The following THSD4 variants were observed in gnomAD, a reference collection of about 807,000 sequenced individuals.
The protein encoded by THSD4 is thrombospondin type-1 domain-containing protein 4.
A neutral mutation model predicts 119.0 loss-of-function variants in THSD4; 69 were observed. That is an observed-to-expected ratio of 0.58 (90% CI 0.48 to 0.71). The LOEUF is 0.71. THSD4 is among the 30% of genes least tolerant of loss of function. THSD4 has a pLI of 0.00. For missense variants in THSD4, 1,393 were observed against 1,391.1 expected (o/e 1.00, Z -0.02); for synonymous variants, 524 against 540.4 (o/e 0.97, Z 0.42).
chr15:71,406,230 A>G (rs1233430125), intron 6 of THSD4, among the ~76,000 whole-genome samples: 2 of 151,766 alleles, frequency 1.3e-5, no homozygotes, highest in African/African-American at 4.8e-5. Context: ...CATACTTTTC[A>G]TTATTTTGAT....
chr15:71,433,649 G>A lies in THSD4; in HGVS notation c.1152+21826G>A, dbSNP rs567837221. On this transcript the variant is annotated intron_variant, in intron 7 of 17. Coordinates refer to ENST00000261862, the MANE Select transcript of THSD4 (RefSeq NM_024817.3). ...TGGCTATGAAGGGCAGGGCCTGTCT[G>A]TTCTGGATTCACATACTAGGTACAG... 2.0e-5 allele frequency among the ~76,000 whole-genome samples: 3 copies of A among 152,216 alleles called. No individual in the cohort carries two copies. In the East Asian group the frequency reaches 5.8e-4, roughly 29 times the overall value.
At chr15:71,572,639 G>A (rs991036216) in intron 7 of THSD4, among the ~76,000 whole-genome samples, 1 of 152,090 alleles carries the variant, frequency 6.6e-6, no homozygotes, top group African/African-American at 2.4e-5. Context: ...TGAAGACAGC[G>A]GAGTCCAAAA....
chr15:71,245,417 A>G (rs1255412886), intron 5 of THSD4, among the ~76,000 whole-genome samples: 1 of 152,184 alleles, frequency 6.6e-6, no homozygotes, highest in Non-Finnish European at 1.5e-5. Flanking sequence ...GAGGTCCCCA[A>G]GACCATTCCT....
intron 1 of THSD4, among the ~76,000 whole-genome samples, chr15:71,104,557 G>A (rs1034690582): frequency 2.6e-5 from 4 of 152,218 alleles, no homozygotes; most frequent in African/African-American, 9.7e-5. Context: ...GAGCCAATAT[G>A]AGTGACCATG....
At chr15:71,468,919 A>G (rs1202180895) in intron 7 of THSD4, among the ~76,000 whole-genome samples, 1 of 152,254 alleles carries the variant, frequency 6.6e-6, no homozygotes, top group Non-Finnish European at 1.5e-5. Flanking sequence ...ACTTAGTCAC[A>G]TGACCACACC....
intron 7 of THSD4, among the ~76,000 whole-genome samples, chr15:71,588,028 C>T (rs896204916): frequency 5.3e-5 from 8 of 152,012 alleles, no homozygotes; most frequent in Non-Finnish European, 7.4e-5. Context: ...TTGTCATGGC[C>T]GGGCGCGGTG....
chr15:71,628,630 C>T (rs1013546400), intron 7 of THSD4, among the ~76,000 whole-genome samples: 1 of 152,206 alleles, frequency 6.6e-6, no homozygotes, highest in Non-Finnish European at 1.5e-5. Flanking sequence ...TAACAACTCC[C>T]AGGCAATGTT....
intron 6 of THSD4, among the ~76,000 whole-genome samples, chr15:71,355,449 G>A (rs1480098898): frequency 6.6e-6 from 1 of 152,196 alleles, no homozygotes; most frequent in African/African-American, 2.4e-5. Context: ...CCAAAGAGAG[G>A]CTCCAAAAGA....
At chr15:71,134,605 C>T (rs1375425191) in intron 1 of THSD4, among the ~76,000 whole-genome samples, 3 of 152,200 alleles carry the variant, frequency 2.0e-5, no homozygotes, top group African/African-American at 7.2e-5. Context: ...GATTGCATGC[C>T]CGCCCTGTGT....
At chr15:71,752,930 A>G (rs777970313) in intron 14 of THSD4, among the ~76,000 whole-genome samples, 7 of 152,178 alleles carry the variant, frequency 4.6e-5, no homozygotes, top group East Asian at 1.9e-4. Context: ...TTTAGTCTGA[A>G]CTATGAAATT....
chr15:71,630,178 C>A (rs1177718764), intron 7 of THSD4, among the ~76,000 whole-genome samples: 1 of 152,174 alleles, frequency 6.6e-6, no homozygotes, highest in African/African-American at 2.4e-5. Flanking sequence ...ACAGAAAATT[C>A]TCCTTTAATC....
intron 6 of THSD4, among the ~76,000 whole-genome samples, chr15:71,291,680 C>G (rs969284459): frequency 1.3e-5 from 2 of 152,230 alleles, no homozygotes; most frequent in African/African-American, 4.8e-5. Context: ...CAAAGACACA[C>G]ATATTATTAC....
chr15:71,770,243 C>A (rs2140242890), intron 16 of THSD4, among the ~76,000 whole-genome samples: 5 of 45,836 alleles, frequency 1.1e-4, no homozygotes, highest in African/African-American at 4.7e-4. Flanking sequence ...AGGGAAACTC[C>A]ATCAAAAAAA....
intron 7 of THSD4, among the ~76,000 whole-genome samples, chr15:71,486,939 T>C (rs746566062): frequency 3.9e-5 from 6 of 152,214 alleles, no homozygotes; most frequent in Admixed American, 1.3e-4. Context: ...CACCACCTAT[T>C]GAGTATCTGC....
At chr15:71,190,075 C>T (rs4777337) in intron 3 of THSD4, among the ~76,000 whole-genome samples, 80,320 of 151,684 alleles carry the variant, frequency 0.53, 24,216 homozygotes, top group Middle Eastern at 0.68. Flanking sequence ...TGAGCCATCC[C>T]CCCTTCCTCG....
chr15:71,404,891 TCTTTG>T (rs2046584375), intron 6 of THSD4, among the ~76,000 whole-genome samples: 1 of 77,660 alleles, frequency 1.3e-5, no homozygotes, highest in African/African-American at 3.2e-5. Context: ...TTCTTTCTTT[TCTTTG>T]CTTTTCTTTT....
At chr15:71,447,686 T>C (rs1404855962) in intron 7 of THSD4, among the ~76,000 whole-genome samples, 4 of 152,224 alleles carry the variant, frequency 2.6e-5, no homozygotes, top group African/African-American at 9.7e-5. Context: ...CTGAGTTGTG[T>C]CAATTAGCGA....
At position 71,598,833 on chromosome 15, in the gene THSD4, G is replaced by A. The variant is rs796358644; in HGVS notation, c.1153-61697G>A. Among the ~76,000 whole-genome samples the A allele has an allele frequency of 1.2e-3, 189 of 152,138 alleles. 2 individuals carry two copies. Among genetic ancestry groups the A allele is most frequent in the African/African-American group, 4.2e-3 (173 of 41,480 alleles). ...GGGTTTCGCCCTGTTGCCCAGGCTG[G>A]TCTCGAACTCCTGGGCTCAAGCAAC... On this transcript the variant is annotated intron_variant, in intron 7 of 17. Transcript: ENST00000261862.
intron 7 of THSD4, among the ~76,000 whole-genome samples, chr15:71,592,119 G>A (rs1184838714): frequency 6.6e-6 from 1 of 152,208 alleles, no homozygotes; most frequent in African/African-American, 2.4e-5. Context: ...AGCTTGCAAT[G>A]TTTCCTCCAT....
Sources: allele counts gnomAD v4.1 joint callset (sites outside exome capture counted in the v4.1 genomes callset), GRCh38; gene constraint gnomAD v4.1.1; transcripts MANE v1.5; gene names NCBI Gene and HGNC (gene_info 2026-07-23, HGNC 2026-07-21).